Variants in MYMK observed in about 807,000 individuals in gnomAD.
The protein encoded by MYMK is protein myomaker.
Under a neutral mutation model 22.4 loss-of-function variants are expected in MYMK, and 16 were observed. The observed-to-expected ratio is 0.72, with a 90% confidence interval of 0.48 to 1.09. The LOEUF is 1.09. Among genes scored for constraint, MYMK ranks in the 50% least tolerant of loss-of-function variants. The pLI is 0.00. For synonymous variants in MYMK, 125 were observed against 127.0 expected, an observed-to-expected ratio of 0.98 and a Z score of 0.11; for missense variants, 250 against 295.6, an observed-to-expected ratio of 0.85 and a Z score of 1.13.
chr9:133,522,049 G>A (rs1319210293), intron 1 of MYMK, among the ~76,000 whole-genome samples: 2 of 152,346 alleles, frequency 1.3e-5, no homozygotes, highest in South Asian at 2.1e-4. Flanking sequence ...AGCTCACCCT[G>A]GGGACCCAGA....
At chr9:133,521,052 C>A (rs994818110) in intron 1 of MYMK, among the ~76,000 whole-genome samples, 2 of 152,108 alleles carry the variant, frequency 1.3e-5, no homozygotes, top group Non-Finnish European at 2.9e-5. Flanking sequence ...ATCTCTGAGA[C>A]CCCCTTGCAG....
intron 2 of MYMK, 102 bp downstream of exon 2, chr9:133,520,072 G>A (rs928581227): frequency 1.9e-5 from 15 of 810,378 alleles, no homozygotes; most frequent in African/African-American, 1.8e-4. Context: ...GGGAGTGAGT[G>A]GGGATAGAGG....
At chr9:133,517,677 A>G (rs1198156526) in intron 3 of MYMK, among the ~76,000 whole-genome samples, 2 of 151,908 alleles carry the variant, frequency 1.3e-5, no homozygotes, top group Non-Finnish European at 1.5e-5. Flanking sequence ...AAAAAAAAAA[A>G]AAAAAAAGTC....
chr9:133,515,724 G>C lies in MYMK; in HGVS notation c.400-117C>G. The C allele has an allele frequency of 1.5e-6, 1 of 677,882 alleles. No individual in the cohort carries two copies. The highest frequency in any genetic ancestry group is 2.6e-6 in the Non-Finnish European group (1 of 386,632). 42.0% of individuals were successfully genotyped at this position (677,882 alleles called of 1,614,324 possible). A position where few individuals can be genotyped will look rare whatever the true frequency, so the allele number is the denominator to read the frequency against. On this transcript the variant is annotated intron_variant, in intron 3 of 4. Coordinates refer to ENST00000339996, the MANE Select transcript of MYMK (RefSeq NM_001080483.3). The surrounding 1 kb of genome is among the most constrained non-coding windows in gnomAD (Gnocchi z 5.8). ...GCTCACCCCAGCCCTCTCCCGGCAG[G>C]AGAGGAGGCTCAGGAGCCTCCTGCC...
At chr9:133,521,114 G>A (rs1037058591) in intron 1 of MYMK, among the ~76,000 whole-genome samples, 1 of 152,044 alleles carries the variant, frequency 6.6e-6, no homozygotes, top group Non-Finnish European at 1.5e-5. Flanking sequence ...TACTCTCGTC[G>A]TCGCCTCCCC....
At chr9:133,517,007 C>T (rs757079034) in intron 3 of MYMK, among the ~76,000 whole-genome samples, 2 of 152,150 alleles carry the variant, frequency 1.3e-5, no homozygotes, top group Non-Finnish European at 2.9e-5. Context: ...TGCGGGGAGG[C>T]GGGCAGCCCA....
At position 133,515,037 on chromosome 9, in the gene MYMK, T is replaced by A. The variant is rs938742754; in HGVS notation, c.517-252A>T. Among the ~76,000 whole-genome samples the A allele has an allele frequency of 2.4e-4, 37 of 151,844 alleles. No individual in the cohort carries two copies. The highest frequency in any genetic ancestry group is 8.7e-4 in the African/African-American group (36 of 41,320). On this transcript the variant is annotated intron_variant, in intron 4 of 4. Transcript: ENST00000339996. The surrounding 1 kb of genome is among the most constrained non-coding windows in gnomAD (Gnocchi z 5.8). ...TCCCCTCTCTCTGCTGTCCTTCTCT[T>A]CCTCCATCCTTCTCTCCCTCCTACC...
rs145292528 is a variant in MYMK at position 133,518,973 on chromosome 9, G to A, written c.300C>T (p.Gly100=). 2.0e-5 allele frequency: 33 copies of A among 1,613,884 alleles called. No homozygotes were observed. Among genetic ancestry groups the A allele is most frequent in the South Asian group, 1.4e-4 (13 of 91,072 alleles). The change falls in exon 3 of 5, where the codon GGC becomes GGT. Residue 100 remains glycine (G), a synonymous_variant. Coordinates refer to ENST00000339996, the MANE Select transcript of MYMK (RefSeq NM_001080483.3). ...EPKRSTFVMF[G]VLTIAVRIYH... ...AGATCCGCACAGCAATGGTCAGGACGCCGAACATCACAAATGTTGACCTCT... is the reference window on the plus strand; with the variant it reads ...AGATCCGCACAGCAATGGTCAGGACACCGAACATCACAAATGTTGACCTCT...
Position 133,515,810 on chromosome 9 carries a change from C to T in MYMK, c.400-203G>A, listed in dbSNP as rs1016752043. 1.8e-4 allele frequency among the ~76,000 whole-genome samples: 28 copies of T among 152,170 alleles called. No individual in the cohort carries two copies. Among genetic ancestry groups the T allele is most frequent in the Admixed American group, 1.8e-3 (28 of 15,282 alleles). Reference sequence around the variant, plus strand: ...CCTTCACGGTGCGACCCAGCAGAGACCCCAGCCTGGATGGCTGGGAAGGAA... The same window carrying T: ...CCTTCACGGTGCGACCCAGCAGAGATCCCAGCCTGGATGGCTGGGAAGGAA... On this transcript the variant is annotated intron_variant, in intron 3 of 4. Transcript: ENST00000339996. This position sits in a 1 kb window ranked among gnomAD's most constrained non-coding sequence, Gnocchi z 5.8.
chr9:133,520,373 G>A (rs1844688756), intron 1 of MYMK, 85 bp from the exon 2 acceptor site: 3 of 1,052,076 alleles, frequency 2.9e-6, no homozygotes, highest in East Asian at 2.5e-5. Flanking sequence ...CAGGTCACTT[G>A]CTGGCTGTGA....
At chr9:133,520,150 T>C (rs1051381444) in intron 2 of MYMK, 24 bp downstream of exon 2, 3 of 1,595,098 alleles carry the variant, frequency 1.9e-6, no homozygotes, top group Non-Finnish European at 2.6e-6. Flanking sequence ...CCGCAAGGCT[T>C]GTCTGCAGGG....
At chr9:133,521,421 G>C in intron 1 of MYMK, among the ~76,000 whole-genome samples, 1 of 152,150 alleles carries the variant, frequency 6.6e-6, no homozygotes, top group East Asian at 1.9e-4. Context: ...CGGGGGCCCT[G>C]GGTGATCTGG....
chr9:133,520,178 C>G lies in MYMK; in HGVS notation c.246G>C (p.Leu82=), dbSNP rs745637003. 2 of 1,613,462 alleles carry G rather than the reference C, an allele frequency of 1.2e-6. No homozygotes were observed. The highest frequency in any genetic ancestry group is 2.7e-5 in the African/African-American group (2 of 74,892). ...CTGCAGGGGTTGACCACTCACCCAT[C>G]AGCGAGACCCACATGCTCAGGGCTG... is the stretch of plus-strand genomic sequence containing the variant. ...YGTALSMWVS[L]MALADFDEPK... Residue 82 remains leucine, a synonymous_variant, in exon 2 of 5, where the codon CTG becomes CTC. Transcript: ENST00000339996.
At chr9:133,518,241 T>C (rs1317493136) in intron 3 of MYMK, among the ~76,000 whole-genome samples, 2 of 152,160 alleles carry the variant, frequency 1.3e-5, no homozygotes, top group Non-Finnish European at 2.9e-5. Context: ...AGGGTCTTGG[T>C]AGGACGGAGA....
rs115203834 is a variant in MYMK, at chr9:133,518,830, G to A, written c.399+44C>T. The A allele has an allele frequency of 4.2e-4, 668 of 1,581,842 alleles. 2 individuals are homozygous for A. In the African/African-American group the frequency reaches 7.1e-3, roughly 17 times the overall value. ...AGGAGTCAGACAGGGGAGAGGTGAC[G>A]GGCCTCCTGGGTCCCCGTTCATCGA... On this transcript the variant is annotated intron_variant, in intron 3 of 4. Transcript: ENST00000339996.
At position 133,514,631 on chromosome 9, in the gene MYMK, C is replaced by T. The variant is rs1253491211; in HGVS notation, c.*5G>A. 6.2e-7 allele frequency: 1 copy of T among 1,612,328 alleles called. No individual in the cohort carries two copies. Among genetic ancestry groups the T allele is most frequent in the Non-Finnish European group, 8.5e-7 (1 of 1,178,920 alleles). ...CAGGGGCTCAGAGCCGGGCTGGGCG[C>T]AGCATCAGACACAAGCACAGCACAG... On this transcript the variant is annotated 3_prime_UTR_variant, in exon 5 of 5. Coordinates refer to ENST00000339996, the MANE Select transcript of MYMK (RefSeq NM_001080483.3).
chr9:133,524,933 C>T lies in MYMK; in HGVS notation c.-89G>A. 1 of 1,477,266 alleles carries T rather than the reference C, an allele frequency of 6.8e-7. No individual in the cohort carries two copies. Among genetic ancestry groups the T allele is most frequent in the Non-Finnish European group, 9.1e-7 (1 of 1,103,634 alleles). The allele number at this position is 1,477,266 out of a possible 1,614,324, so 91.5% of individuals were successfully genotyped here. A position where few individuals can be genotyped will look rare whatever the true frequency, so the allele number is the denominator to read the frequency against. On this transcript the variant is annotated 5_prime_UTR_variant, in exon 1 of 5. Coordinates refer to ENST00000339996, the MANE Select transcript of MYMK (RefSeq NM_001080483.3). ...GAGCACGAAGTGGGAAGGCCAGCTC[C>T]CTTTGGGCAGGGCTCTGATGGCAGC... is the stretch of plus-strand genomic sequence containing the variant.
intron 1 of MYMK, among the ~76,000 whole-genome samples, chr9:133,522,560 TGGGTGGGGCA>T (rs1844714042): frequency 6.6e-6 from 1 of 152,106 alleles, no homozygotes; most frequent in Non-Finnish European, 1.5e-5. Context: ...CCTGCCACTC[TGGGTGGGGCA>T]GGGTGGGGCC....
chr9:133,522,460 G>A (rs9697194), intron 1 of MYMK, among the ~76,000 whole-genome samples: 1,802 of 152,366 alleles, frequency 0.012, 47 homozygotes, highest in African/African-American at 0.041. Context: ...CTGATTGGAA[G>A]GGAAGGGACG....
Sources: gnomAD v4.1 joint callset for allele counts (sites outside exome capture counted in the v4.1 genomes callset) on GRCh38, gnomAD v4.1.1 for gene constraint, Gnocchi (gnomAD v3.1) non-coding constraint, MANE v1.5 for transcripts, NCBI Gene and HGNC (gene_info 2026-07-23, HGNC 2026-07-21) for gene names.